Variants in PRKN observed in about 807,000 individuals in gnomAD.
PRKN encodes E3 ubiquitin-protein ligase parkin.
In PRKN, 56 loss-of-function variants were observed where a neutral mutation model predicts 59.5. The observed-to-expected ratio is 0.94, with a 90% confidence interval of 0.76 to 1.18. The LOEUF (loss-of-function observed/expected upper bound fraction) is 1.18, where lower values mean the gene tolerates loss of function less well. Ranked by LOEUF, PRKN falls within the 50% of genes most tolerant of loss-of-function variation. PRKN has a pLI of 0.00. For synonymous variants in PRKN, 250 were observed against 222.1 expected (o/e 1.13, Z -1.12); for missense variants, 657 against 596.4 (o/e 1.10, Z -1.06).
intron 1 of PRKN, among the ~76,000 whole-genome samples, chr6:162,587,300 T>C: frequency 6.6e-6 from 1 of 152,106 alleles, no homozygotes; most frequent in Non-Finnish European, 1.5e-5. Context: ...CACATTCAGC[T>C]AATTTTTGTG....
At chr6:162,103,667 CCA>C (rs1562515434) in intron 4 of PRKN, among the ~76,000 whole-genome samples, 1 of 151,868 alleles carries the variant, frequency 6.6e-6, no homozygotes, top group African/African-American at 2.4e-5. Context: ...AAAACAAACT[CCA>C]GAGATGAGAA....
intron 1 of PRKN, among the ~76,000 whole-genome samples, chr6:162,535,737 C>T (rs1370315685): frequency 6.6e-5 from 10 of 151,768 alleles, no homozygotes; most frequent in East Asian, 3.9e-4. Flanking sequence ...GAGAAACTCC[C>T]TTTTTACCAA....
chr6:161,886,756 A>T (rs201752354), intron 6 of PRKN, among the ~76,000 whole-genome samples: 14,821 of 146,418 alleles, frequency 0.1, 1,170 homozygotes, highest in African/African-American at 0.22. Context: ...TAAAATAAAA[A>T]AAAATAAAAT....
chr6:161,970,335 G>A (rs1187082181), intron 6 of PRKN, among the ~76,000 whole-genome samples: 1 of 151,404 alleles, frequency 6.6e-6, no homozygotes, highest in Non-Finnish European at 1.5e-5. Flanking sequence ...GCTGCCACGT[G>A]CATGCCTGGC....
In PRKN at chr6:161,354,377, G is replaced by T. The variant is rs1174366483; in HGVS notation, c.1286-4166C>A. Among the ~76,000 whole-genome samples, 3 of 152,188 alleles carry T rather than the reference G, an allele frequency of 2.0e-5. No individual in the cohort carries two copies. The highest frequency in any genetic ancestry group is 7.2e-5 in the African/African-American group (3 of 41,442). On this transcript the variant is annotated intron_variant, in intron 11 of 11. Transcript: ENST00000366898. The surrounding 1 kb of genome is among the most constrained non-coding windows in gnomAD (Gnocchi z 6.7). ...CAGATGGACACTCAAACCATGAAAA[G>T]CTCAGCCTACGCCGGGCAGTCGACA...
chr6:161,677,024 T>C (rs1785112470), intron 7 of PRKN, among the ~76,000 whole-genome samples: 1 of 152,202 alleles, frequency 6.6e-6, no homozygotes. Flanking sequence ...TAGCCCTTAA[T>C]GAATATATAT....
At chr6:162,394,123 C>T (rs934495447) in intron 2 of PRKN, among the ~76,000 whole-genome samples, 2 of 152,062 alleles carry the variant, frequency 1.3e-5, no homozygotes, top group African/African-American at 2.4e-5. Flanking sequence ...CAAACATTTA[C>T]GTATTTGAGA....
At chr6:161,956,627 T>C (rs1780179344) in intron 6 of PRKN, among the ~76,000 whole-genome samples, 1 of 152,150 alleles carries the variant, frequency 6.6e-6, no homozygotes, top group Non-Finnish European at 1.5e-5. Flanking sequence ...CAACAATAAA[T>C]GTTCTGAAAT....
intron 6 of PRKN, among the ~76,000 whole-genome samples, chr6:161,792,841 C>T (rs1211114699): frequency 6.6e-6 from 1 of 152,216 alleles, no homozygotes; most frequent in African/African-American, 2.4e-5. Flanking sequence ...CATTAAAAAA[C>T]ATGAATTTAT....
intron 4 of PRKN, among the ~76,000 whole-genome samples, chr6:162,101,683 A>C (rs1011168920): frequency 6.6e-6 from 1 of 151,932 alleles, no homozygotes; most frequent in Non-Finnish European, 1.5e-5. Flanking sequence ...AAAAAAAAAA[A>C]CCAATTGACT....
intron 4 of PRKN, among the ~76,000 whole-genome samples, chr6:162,188,479 A>T (rs961445638): frequency 1.3e-5 from 2 of 152,144 alleles, no homozygotes; most frequent in Non-Finnish European, 2.9e-5. Context: ...CCTTCTCTAC[A>T]GTCAGTACTG....
intron 2 of PRKN, among the ~76,000 whole-genome samples, chr6:162,392,449 C>T (rs1380614572): frequency 6.6e-6 from 1 of 152,176 alleles, no homozygotes; most frequent in Non-Finnish European, 1.5e-5. Flanking sequence ...CACTTGCCTT[C>T]CTTTGATGAT....
In PRKN at chr6:161,877,929, G is replaced by A. The variant is rs551274251; in HGVS notation, c.735-92021C>T. ...CACACTCCCATATATGCAGTATGGC[G>A]CTCAATGAGGGAGTGGGTGGGCTCA... is the stretch of plus-strand genomic sequence containing the variant. On this transcript the variant is annotated intron_variant, in intron 6 of 11. Transcript: ENST00000366898. Among the ~76,000 whole-genome samples, 26 of 152,032 alleles carry A rather than the reference G, an allele frequency of 1.7e-4. 1 individual carries two copies. The highest frequency in any genetic ancestry group is 1.1e-3 in the South Asian group (5 of 4,644).
chr6:161,467,656 T>C lies in PRKN; in HGVS notation c.1084-80779A>G, dbSNP rs1021789332. The stretch of plus-strand genomic sequence containing the variant: ...GACGCTTGAGAGGAGTCTCAAAGGA[T>C]GTGCAGGAGCGACAGAGGCTGCAAA... On this transcript the variant is annotated intron_variant, in intron 9 of 11. Coordinates refer to ENST00000366898, the MANE Select transcript of PRKN (RefSeq NM_004562.3). The surrounding 1 kb of genome is among the most constrained non-coding windows in gnomAD (Gnocchi z 4.3). 2.6e-5 allele frequency among the ~76,000 whole-genome samples: 4 copies of C among 152,184 alleles called. No individual in the cohort carries two copies. The highest frequency in any genetic ancestry group is 4.4e-5 in the Non-Finnish European group (3 of 68,028).
intron 2 of PRKN, among the ~76,000 whole-genome samples, chr6:162,306,528 G>A (rs1174527742): frequency 6.6e-6 from 1 of 152,160 alleles, no homozygotes; most frequent in African/African-American, 2.4e-5. Flanking sequence ...TCTCAAAAAG[G>A]AGTTGCGAAG....
At chr6:162,117,560 G>A (rs751613801) in intron 4 of PRKN, among the ~76,000 whole-genome samples, 7 of 152,220 alleles carry the variant, frequency 4.6e-5, no homozygotes, top group Non-Finnish European at 1.0e-4. Context: ...AGGCTGCTCA[G>A]TAACTCCTAT....
chr6:161,840,553 T>C (rs1028550625), intron 6 of PRKN, among the ~76,000 whole-genome samples: 14 of 152,138 alleles, frequency 9.2e-5, no homozygotes, highest in African/African-American at 3.4e-4. Context: ...CACCAGGCAT[T>C]AAGCCTAGTA....
rs550454100 is a variant in PRKN at position 162,140,091 on chromosome 6, T to G, written c.534+61040A>C. On this transcript the variant is annotated intron_variant, in intron 4 of 11. Coordinates refer to ENST00000366898, the MANE Select transcript of PRKN (RefSeq NM_004562.3). ...TCACTAAATAGTTCTGTGAAAACAGTTCAGCAGAATTAGCTATTAGAATAA... is the reference window on the plus strand; with the variant it reads ...TCACTAAATAGTTCTGTGAAAACAGGTCAGCAGAATTAGCTATTAGAATAA... Among the ~76,000 whole-genome samples, 20 of 152,326 alleles carry G rather than the reference T, an allele frequency of 1.3e-4. No homozygotes were observed. The South Asian group carries it at 4.1e-3, about 32-fold the overall frequency.
rs1386141881 is a variant in PRKN at position 161,552,586 on chromosome 6, A to AC, written c.934-3584_934-3583insG. Among the ~76,000 whole-genome samples, 16 of 143,110 alleles carry AC rather than the reference A, an allele frequency of 1.1e-4. No homozygotes were observed. Among genetic ancestry groups the AC allele is most frequent in the South Asian group, 8.8e-4 (4 of 4,524 alleles). 93.9% of individuals were successfully genotyped at this position (143,110 alleles called of 152,430 possible). On this transcript the variant is annotated intron_variant, in intron 8 of 11. Transcript: ENST00000366898. The surrounding 1 kb of genome is among the most constrained non-coding windows in gnomAD (Gnocchi z 4.9). ...AATCCTTCCACATTGAAAAAAAACA[A>AC]AAACAAAAAACAAAAAACAAAAAAC...
Sources: gnomAD v4.1 joint callset for allele counts (sites outside exome capture counted in the v4.1 genomes callset) on GRCh38, gnomAD v4.1.1 for gene constraint, Gnocchi (gnomAD v3.1) non-coding constraint, MANE v1.5 for transcripts, NCBI Gene and HGNC (gene_info 2026-07-23, HGNC 2026-07-21) for gene names.